DCDC1: variants seen among roughly 807,000 people sequenced by gnomAD.
The protein encoded by DCDC1 is doublecortin domain containing 1, also known as doublecortin domain-containing protein 1.
Under a neutral mutation model 178.3 loss-of-function variants are expected in DCDC1, and 200 were observed. The ratio of observed to expected loss-of-function variants is 1.12; its 90% CI spans 1.00 to 1.26. DCDC1 has a LOEUF of 1.26. Ranked by LOEUF, DCDC1 falls within the 50% of genes most tolerant of loss-of-function variation. DCDC1 has a pLI of 0.00. For missense variants in DCDC1, 1,983 were observed against 1,749.2 expected, an observed-to-expected ratio of 1.13 and a Z score of -2.38; for synonymous variants, 690 against 604.8, an observed-to-expected ratio of 1.14 and a Z score of -2.07.
chr11:31,265,498 G>A lies in DCDC1; in HGVS notation c.1054+9C>T. ...TTATCAAATGGTTTACAAAATCTTT[G>A]CCACTTACCTTTTGAAATATCTTCA... On this transcript the variant is annotated intron_variant, in intron 8 of 38. Transcript: ENST00000684477. The A allele has an allele frequency of 7.3e-7, 1 of 1,376,050 alleles. No homozygotes were observed. The highest frequency in any genetic ancestry group is 9.6e-7 in the Non-Finnish European group (1 of 1,038,704). 85.2% of individuals were successfully genotyped at this position (1,376,050 alleles called of 1,614,324 possible).
intron 1 of DCDC1, among the ~76,000 whole-genome samples, chr11:31,347,562 G>A (rs1043395031): frequency 2.6e-5 from 4 of 152,116 alleles, no homozygotes; most frequent in African/African-American, 9.7e-5. Context: ...CAAAAAGCAA[G>A]GGGAAAGCAA....
At chr11:31,185,495 T>C (rs1045468943) in intron 9 of DCDC1, among the ~76,000 whole-genome samples, 1 of 152,204 alleles carries the variant, frequency 6.6e-6, no homozygotes, top group African/African-American at 2.4e-5. Context: ...TTAGAGTCAG[T>C]GGAGAAATAC....
intron 22 of DCDC1, among the ~76,000 whole-genome samples, chr11:30,925,791 C>T (rs1380215681): frequency 6.6e-6 from 1 of 152,132 alleles, no homozygotes. Flanking sequence ...CGTTCTTTCT[C>T]CTACCTAAAA....
rs550657360 is a variant in DCDC1, at chr11:31,137,824, T to C, written c.1222-40A>G. On this transcript the variant is annotated intron_variant, in intron 9 of 38. Transcript: ENST00000684477. ...TAAACAGCATGAAAGCAGGTATCTA[T>C]TGACACCTAATAGCAACATTTATTC... 3.0e-5 allele frequency: 21 copies of C among 695,652 alleles called. No homozygotes were observed. The Middle Eastern group carries it at 1.2e-3, about 40-fold the overall frequency. 43.1% of individuals were successfully genotyped at this position (695,652 alleles called of 1,614,324 possible). A position where few individuals can be genotyped will look rare whatever the true frequency, so the allele number is the denominator to read the frequency against.
chr11:31,115,281 G>C (rs1959711416), intron 11 of DCDC1, among the ~76,000 whole-genome samples: 1 of 152,132 alleles, frequency 6.6e-6, no homozygotes, highest in Non-Finnish European at 1.5e-5. Context: ...TTAAGGACTT[G>C]TGCAAGGCCT....
intron 38 of DCDC1, among the ~76,000 whole-genome samples, chr11:30,874,273 C>T (rs915573457): frequency 1.3e-5 from 2 of 152,146 alleles, no homozygotes; most frequent in African/African-American, 4.8e-5. Flanking sequence ...ATTCCTTATA[C>T]CTTAGGCATA....
At chr11:31,021,459 GA>G (rs1952876077) in intron 20 of DCDC1, among the ~76,000 whole-genome samples, 1 of 152,094 alleles carries the variant, frequency 6.6e-6, no homozygotes, top group Non-Finnish European at 1.5e-5. Context: ...GTTGTTAAGT[GA>G]AAAAAAGTGA....
At chr11:31,053,948 C>T (rs559252760) in intron 20 of DCDC1, among the ~76,000 whole-genome samples, 9 of 152,272 alleles carry the variant, frequency 5.9e-5, no homozygotes, top group African/African-American at 2.2e-4. Context: ...TCCTCTTCAA[C>T]ATAGTACTGG....
intron 15 of DCDC1, among the ~76,000 whole-genome samples, chr11:31,098,412 T>C (rs1042543199): frequency 1.3e-5 from 2 of 152,130 alleles, no homozygotes; most frequent in Non-Finnish European, 2.9e-5. Flanking sequence ...GAGCAACAGG[T>C]TGTAATTGTC....
intron 20 of DCDC1, among the ~76,000 whole-genome samples, chr11:31,050,493 A>T (rs1362404068): frequency 6.6e-6 from 1 of 152,170 alleles, no homozygotes; most frequent in Admixed American, 6.5e-5. Flanking sequence ...CGCTCTCCAC[A>T]TTACTACAGC....
chr11:31,195,234 T>C (rs1970561459), intron 9 of DCDC1, among the ~76,000 whole-genome samples: 1 of 152,068 alleles, frequency 6.6e-6, no homozygotes, highest in Non-Finnish European at 1.5e-5. Flanking sequence ...AAAGAGTGGA[T>C]TGGAAGTTAT....
intron 8 of DCDC1, among the ~76,000 whole-genome samples, chr11:31,247,093 T>C (rs1233168851): frequency 2.6e-5 from 4 of 152,098 alleles, no homozygotes; most frequent in Admixed American, 1.3e-4. Context: ...TAGTGATGCA[T>C]TGCAGGAAGA....
intron 20 of DCDC1, among the ~76,000 whole-genome samples, chr11:31,022,231 G>T (rs1211670298): frequency 2.6e-5 from 4 of 151,942 alleles, no homozygotes; most frequent in Admixed American, 2.6e-4. Flanking sequence ...ATTCTTTTTT[G>T]CCTCTTCCTA....
chr11:31,015,487 T>C (rs1952436585), intron 20 of DCDC1, among the ~76,000 whole-genome samples: 1 of 152,186 alleles, frequency 6.6e-6, no homozygotes, highest in African/African-American at 2.4e-5. Flanking sequence ...TCTTCTCTTG[T>C]TGATCTTCTC....
intron 3 of DCDC1, among the ~76,000 whole-genome samples, chr11:31,327,561 G>A (rs1032390831): frequency 7.2e-5 from 11 of 152,162 alleles, no homozygotes; most frequent in African/African-American, 1.9e-4. Context: ...TGCCATTATC[G>A]TTATTATCAT....
intron 12 of DCDC1, among the ~76,000 whole-genome samples, chr11:31,109,621 A>G (rs1959072845): frequency 6.6e-6 from 1 of 152,114 alleles, no homozygotes; most frequent in Non-Finnish European, 1.5e-5. Flanking sequence ...CTGAAGGGAG[A>G]AAAAGGGAGC....
intron 20 of DCDC1, among the ~76,000 whole-genome samples, chr11:31,041,455 T>C (rs184955920): frequency 6.0e-4 from 92 of 152,328 alleles, no homozygotes; most frequent in Non-Finnish European, 1.0e-3. Context: ...CTTATAAACA[T>C]TGATTTACTT....
At position 31,106,980 on chromosome 11, in the gene DCDC1, G is replaced by T. The variant is rs917558331; in HGVS notation, c.1588-20C>A. On this transcript the variant is annotated intron_variant, in intron 12 of 38. Coordinates refer to ENST00000684477, the MANE Select transcript of DCDC1 (RefSeq NM_001387274.1). ...AAGTAACTGGTTGGGGGTTAGAGGG[G>T]CAGAGGGGATAGAGGAGAATAAATA... The T allele has an allele frequency of 1.2e-5, 9 of 760,560 alleles. No individual in the cohort carries two copies. The highest frequency in any genetic ancestry group is 2.2e-5 in the Non-Finnish European group (9 of 415,890). The allele number at this position is 760,560 out of a possible 1,614,324, so 47.1% of individuals were successfully genotyped here.
chr11:31,181,659 G>T (rs1370277233), intron 9 of DCDC1, among the ~76,000 whole-genome samples: 3 of 152,134 alleles, frequency 2.0e-5, no homozygotes, highest in Admixed American at 1.3e-4. Flanking sequence ...CAAAAAGAAA[G>T]AAATAGTATC....
Sources: allele counts gnomAD v4.1 joint callset (sites outside exome capture counted in the v4.1 genomes callset), GRCh38; gene constraint gnomAD v4.1.1; transcripts MANE v1.5; gene names NCBI Gene and HGNC (gene_info 2026-07-23, HGNC 2026-07-21).